The following RXFP1 variants were observed in gnomAD, a reference collection of about 807,000 sequenced individuals.
RXFP1 encodes the protein relaxin family peptide receptor 1.
A neutral mutation model predicts 89.8 loss-of-function variants in RXFP1; 73 were observed. The observed-to-expected ratio is 0.81, with a 90% confidence interval of 0.67 to 0.99. RXFP1 has a LOEUF of 0.99. Ranked by LOEUF, RXFP1 falls within the 50% of genes least tolerant of loss-of-function variation. The probability of loss-of-function intolerance (pLI) is 0.00; values close to 1 mark genes in which losing one functional copy is unlikely to be tolerated. For missense variants in RXFP1, 793 were observed against 895.5 expected (o/e 0.89, Z 1.46); for synonymous variants, 277 against 305.5 (o/e 0.91, Z 0.97).
chr4:158,591,040 A>G (rs1203225067), intron 2 of RXFP1, among the ~76,000 whole-genome samples: 1 of 152,162 alleles, frequency 6.6e-6, no homozygotes, highest in African/African-American at 2.4e-5. Context: ...CCTAACTGCC[A>G]CTAGATATCC....
At chr4:158,618,977 A>C (rs1429082137) in intron 9 of RXFP1, among the ~76,000 whole-genome samples, 1 of 152,204 alleles carries the variant, frequency 6.6e-6, no homozygotes, top group Non-Finnish European at 1.5e-5. Context: ...AAGTTTATTT[A>C]TTAGCCAAAG....
chr4:158,599,347 A>C lies in RXFP1; in HGVS notation c.308A>C (p.Gln103Pro), dbSNP rs563371835. The change falls in exon 4 of 18, where the codon CAA becomes CCA. Residue 103 changes from glutamine (Q) to proline (P), a missense_variant. Physicochemically the swap from Gln to Pro is moderately conservative, Grantham distance 76. Transcript: ENST00000307765. The part of the protein sequence containing the change: ...PECLVGSVPV[Q>P]CLCQGLELDC... Reference sequence around the variant, plus strand: ...TCAGTGGTCGGTTCTGTGCCAGTGCAATGTCTTTGCCAAGGTCTGGAGCTT... The same window carrying C: ...TCAGTGGTCGGTTCTGTGCCAGTGCCATGTCTTTGCCAAGGTCTGGAGCTT... The C allele has an allele frequency of 6.2e-7, 1 of 1,613,774 alleles. No homozygotes were observed. Among genetic ancestry groups the C allele is most frequent in the Non-Finnish European group, 8.5e-7 (1 of 1,179,944 alleles).
chr4:158,607,197 C>A (rs748993316), intron 5 of RXFP1: 4 of 1,181,838 alleles, frequency 3.4e-6, no homozygotes, highest in Non-Finnish European at 4.9e-6. Flanking sequence ...TACTCTGGTA[C>A]CCATTTCCTT....
At position 158,617,205 on chromosome 4, in the gene RXFP1, T is replaced by C. The variant is rs1764751508; in HGVS notation, c.755T>C (p.Leu252Pro). ...CAACACATGCCAAGACTACATTGGC[T>C]GTAAGCGATTCTGTCTTTTTTTAAA... ...LCQHMPRLHWLDLEGNHIHNL... is the reference protein window; with the variant it reads ...LCQHMPRLHWPDLEGNHIHNL... The change falls in exon 9 of 18, where the codon CTG (leucine) becomes CCG (proline). Residue 252 changes from leucine (L) to proline (P), a missense_variant and splice_region_variant. Leu to Pro is a moderately conservative substitution (Grantham distance 98, BLOSUM62 -3). Coordinates refer to ENST00000307765, the MANE Select transcript of RXFP1 (RefSeq NM_021634.4). 6.3e-7 allele frequency: 1 copy of C among 1,598,512 alleles called. No individual in the cohort carries two copies. The highest frequency in any genetic ancestry group is 1.7e-4 in the Middle Eastern group (1 of 6,024).
At position 158,646,951 on chromosome 4, in the gene RXFP1, G is replaced by A; in HGVS notation, c.1506G>A (p.Leu502=). The part of the protein sequence containing the change: ...AILSTEVSVL[L]LTFLTLEKYI... Reference sequence around the variant, plus strand: ...TGTCCACAGAAGTATCAGTTTTACTGTTAACATTTCTGACATTGGAAAAAT... The same window carrying A: ...TGTCCACAGAAGTATCAGTTTTACTATTAACATTTCTGACATTGGAAAAAT... The change falls in exon 16 of 18, where the codon CTG becomes CTA. Residue 502 remains leucine (L), a synonymous_variant. Coordinates refer to ENST00000307765, the MANE Select transcript of RXFP1 (RefSeq NM_021634.4). The A allele has an allele frequency of 6.2e-7, 1 of 1,614,152 alleles. No homozygotes were observed.
chr4:158,633,437 C>T lies in RXFP1; in HGVS notation c.932C>T (p.Pro311Leu), dbSNP rs1052049263. The T allele has an allele frequency of 9.4e-6, 15 of 1,603,004 alleles. No individual in the cohort carries two copies. Among genetic ancestry groups the T allele is most frequent in the African/African-American group, 2.7e-5 (2 of 74,534 alleles). The stretch of plus-strand genomic sequence containing the variant: ...GGAAGTAATAAGATTGAAAATCTTC[C>T]ACCGCTTATATTCAAGGACCTGAAG... The part of the protein sequence containing the change: ...DLGSNKIENL[P>L]PLIFKDLKEL... The change falls in exon 12 of 18, where the codon CCA becomes CTA. Residue 311 changes from proline to leucine, a missense_variant. Coordinates refer to ENST00000307765, the MANE Select transcript of RXFP1 (RefSeq NM_021634.4).
intron 2 of RXFP1, among the ~76,000 whole-genome samples, chr4:158,575,457 C>T (rs952299589): frequency 6.6e-5 from 10 of 152,118 alleles, no homozygotes; most frequent in African/African-American, 2.4e-4. Flanking sequence ...GGACTGAATG[C>T]TTGTGTCCCC....
chr4:158,597,433 A>G (rs936220700), intron 3 of RXFP1, among the ~76,000 whole-genome samples: 14 of 152,204 alleles, frequency 9.2e-5, no homozygotes, highest in African/African-American at 3.4e-4. Flanking sequence ...TTAACTTGCT[A>G]CTGCATTACT....
chr4:158,541,349 T>TGC (rs1470332994), intron 1 of RXFP1, among the ~76,000 whole-genome samples: 73 of 8,696 alleles, frequency 8.4e-3, no homozygotes, highest in African/African-American at 0.022. Flanking sequence ...GAGAGCTTCA[T>TGC]GCACACACAC....
At chr4:158,612,435 T>C (rs1763749849) in intron 8 of RXFP1, 73 bp downstream of exon 8, 1 of 1,090,140 alleles carries the variant, frequency 9.2e-7, no homozygotes, top group African/African-American at 1.6e-5. Context: ...TTAAATTTAA[T>C]ACCATTAAAT....
chr4:158,570,812 C>A (rs954538894), intron 1 of RXFP1, among the ~76,000 whole-genome samples: 1 of 152,168 alleles, frequency 6.6e-6, no homozygotes, highest in African/African-American at 2.4e-5. Flanking sequence ...CAAACTTCTT[C>A]CCTTTGCCCA....
chr4:158,604,942 A>T, intron 4 of RXFP1, 126 bp from the exon 5 acceptor site: 1 of 512,374 alleles, frequency 2.0e-6, no homozygotes, highest in Non-Finnish European at 3.6e-6. Flanking sequence ...TATGAGAGAG[A>T]CATTATGAAG....
rs747070912 is a variant in RXFP1, at chr4:158,644,998, T to C, written c.1205T>C (p.Leu402Pro). ...NTDGISSLEN[L>P]LASIIQRVFV... ...GATGGAATTTCATCTCTAGAGAATC[T>C]CTTGGCAAGCATTATTCAGAGAGTA... The change falls in exon 15 of 18, where the codon CTC becomes CCC. Residue 402 changes from leucine (L) to proline (P), a missense_variant. Physicochemically the swap from Leu to Pro is moderately conservative, Grantham distance 98 (BLOSUM62 -3). Transcript: ENST00000307765. 6.2e-7 allele frequency: 1 copy of C among 1,614,166 alleles called. No homozygotes were observed.
chr4:158,604,730 T>C (rs1762265128), intron 4 of RXFP1, among the ~76,000 whole-genome samples: 1 of 152,224 alleles, frequency 6.6e-6, no homozygotes, highest in Non-Finnish European at 1.5e-5. Flanking sequence ...ATACTGTTTT[T>C]ATTGTCACTT....
At chr4:158,582,324 A>T (rs549279431) in intron 2 of RXFP1, among the ~76,000 whole-genome samples, 1 of 152,238 alleles carries the variant, frequency 6.6e-6, no homozygotes, top group South Asian at 2.1e-4. Context: ...AGGCAGTTAA[A>T]GGTCTGATTC....
chr4:158,579,331 C>T (rs1237759961), intron 2 of RXFP1, among the ~76,000 whole-genome samples: 3 of 152,096 alleles, frequency 2.0e-5, no homozygotes, highest in African/African-American at 7.2e-5. Context: ...TGCAGTAGCA[C>T]AATCTCGGCT....
At chr4:158,597,243 GA>G (rs1370403982) in intron 3 of RXFP1, among the ~76,000 whole-genome samples, 1 of 152,026 alleles carries the variant, frequency 6.6e-6, no homozygotes, top group African/African-American at 2.4e-5. Context: ...TTTTTGACTA[GA>G]ATAATGTGAG....
intron 3 of RXFP1, among the ~76,000 whole-genome samples, chr4:158,597,685 T>G (rs1190309402): frequency 2.0e-5 from 3 of 152,164 alleles, no homozygotes; most frequent in Non-Finnish European, 4.4e-5. Flanking sequence ...CATATATGAA[T>G]TATCTTAATT....
chr4:158,583,196 A>C (rs968391300), intron 2 of RXFP1, among the ~76,000 whole-genome samples: 1 of 152,236 alleles, frequency 6.6e-6, no homozygotes, highest in Admixed American at 6.5e-5. Context: ...GTGATGATAC[A>C]TATTTTCAAA....
Sources: allele counts gnomAD v4.1 joint callset (sites outside exome capture counted in the v4.1 genomes callset), GRCh38; gene constraint gnomAD v4.1.1; transcripts MANE v1.5; gene names NCBI Gene and HGNC (gene_info 2026-07-23, HGNC 2026-07-21).